Variants in GRID2 observed in about 807,000 individuals in gnomAD.
GRID2 encodes the protein glutamate ionotropic receptor delta type subunit 2.
A neutral mutation model predicts 114.8 loss-of-function variants in GRID2; 33 were observed. That is an observed-to-expected ratio of 0.29 (90% confidence interval 0.22 to 0.38). The LOEUF (loss-of-function observed/expected upper bound fraction) is 0.38. GRID2 is among the 10% of genes least tolerant of loss of function. The pLI is 1.00. For synonymous variants in GRID2, 505 were observed against 449.9 expected, an observed-to-expected ratio of 1.12 and a Z score of -1.55; for missense variants, 1,184 against 1,257.7, an observed-to-expected ratio of 0.94 and a Z score of 0.89.
intron 1 of GRID2, among the ~76,000 whole-genome samples, chr4:92,322,917 A>G (rs1726391125): frequency 6.6e-6 from 1 of 152,062 alleles, no homozygotes; most frequent in South Asian, 2.1e-4. Context: ...AACATATTTA[A>G]CTGATTTTTA....
At chr4:93,421,933 C>G (rs1768330584) in intron 9 of GRID2, among the ~76,000 whole-genome samples, 1 of 151,522 alleles carries the variant, frequency 6.6e-6, no homozygotes, top group Admixed American at 6.6e-5. Context: ...ACTACATACA[C>G]CATGAATGGT....
intron 2 of GRID2, among the ~76,000 whole-genome samples, chr4:92,602,210 A>G (rs1729247675): frequency 6.6e-6 from 1 of 151,544 alleles, no homozygotes; most frequent in Non-Finnish European, 1.5e-5. Context: ...ATTTAAAAAA[A>G]AAAAAAAGAA....
intron 2 of GRID2, among the ~76,000 whole-genome samples, chr4:93,071,595 A>T (rs1728808783): frequency 6.6e-6 from 1 of 152,160 alleles, no homozygotes; most frequent in Non-Finnish European, 1.5e-5. Flanking sequence ...ATGAAGAAAT[A>T]AGATGAAGGA....
At chr4:93,613,852 T>G (rs1741267845) in intron 13 of GRID2, among the ~76,000 whole-genome samples, 1 of 151,830 alleles carries the variant, frequency 6.6e-6, no homozygotes. Context: ...AGTTCGAGCT[T>G]CCAGGCTGCT....
intron 2 of GRID2, among the ~76,000 whole-genome samples, chr4:92,803,574 A>G (rs1242228576): frequency 6.6e-6 from 1 of 151,976 alleles, no homozygotes; most frequent in Non-Finnish European, 1.5e-5. Flanking sequence ...CAATCTTTGT[A>G]TCTCCTCATA....
At chr4:93,703,329 A>C (rs77546774) in intron 14 of GRID2, among the ~76,000 whole-genome samples, 7 of 152,050 alleles carry the variant, frequency 4.6e-5, no homozygotes, top group African/African-American at 1.4e-4. Context: ...CAGGCATCCA[A>C]AGTGTAATAA....
intron 14 of GRID2, among the ~76,000 whole-genome samples, chr4:93,741,094 T>A (rs1731323438): frequency 6.9e-6 from 1 of 145,546 alleles, no homozygotes; most frequent in Non-Finnish European, 1.5e-5. Flanking sequence ...AATCTCATTT[T>A]GCCCACAAAG....
intron 2 of GRID2, among the ~76,000 whole-genome samples, chr4:92,974,874 C>A (rs1578650097): frequency 6.6e-6 from 1 of 151,852 alleles, no homozygotes; most frequent in Non-Finnish European, 1.5e-5. Flanking sequence ...TGTTGATTAA[C>A]AGGCCGGGAG....
At chr4:93,123,193 A>C in intron 4 of GRID2, among the ~76,000 whole-genome samples, 1 of 152,086 alleles carries the variant, frequency 6.6e-6, no homozygotes, top group Non-Finnish European at 1.5e-5. Context: ...TTCTCCTAAC[A>C]GCCTATAGTC....
At chr4:93,767,809 C>T (rs764617524) in intron 14 of GRID2, among the ~76,000 whole-genome samples, 1 of 152,178 alleles carries the variant, frequency 6.6e-6, no homozygotes, top group Non-Finnish European at 1.5e-5. Flanking sequence ...AGCAGTCTCA[C>T]CCCAAATAAT....
intron 2 of GRID2, among the ~76,000 whole-genome samples, chr4:93,009,917 C>T (rs536496878): frequency 1.3e-5 from 2 of 152,014 alleles, no homozygotes; most frequent in Non-Finnish European, 2.9e-5. Flanking sequence ...AAGTGCTTTA[C>T]CTTTAGTTTT....
At chr4:93,624,175 A>G (rs750097036) in intron 13 of GRID2, among the ~76,000 whole-genome samples, 15 of 146,248 alleles carry the variant, frequency 1.0e-4, no homozygotes, top group Non-Finnish European at 2.1e-4. Flanking sequence ...AATCATTTGT[A>G]TATATCCATT....
intron 10 of GRID2, among the ~76,000 whole-genome samples, chr4:93,446,956 A>G (rs1722150982): frequency 1.3e-5 from 2 of 151,756 alleles, no homozygotes; most frequent in Admixed American, 1.3e-4. Flanking sequence ...AATTGATAAT[A>G]CATCATGTGC....
intron 14 of GRID2, among the ~76,000 whole-genome samples, chr4:93,736,647 T>A (rs1730945458): frequency 6.6e-6 from 1 of 152,010 alleles, no homozygotes; most frequent in African/African-American, 2.4e-5. Context: ...AAAATAATAA[T>A]GGTTTGCTAT....
At chr4:93,433,385 C>A (rs1202835710) in intron 10 of GRID2, among the ~76,000 whole-genome samples, 1 of 151,982 alleles carries the variant, frequency 6.6e-6, no homozygotes, top group African/African-American at 2.4e-5. Context: ...CCTCAGAAAG[C>A]ACATGTAATT....
intron 2 of GRID2, among the ~76,000 whole-genome samples, chr4:93,069,873 C>T (rs76405682): frequency 0.043 from 6,476 of 152,054 alleles, 196 homozygotes; most frequent in East Asian, 0.14. Flanking sequence ...GATTATAGAG[C>T]GAGCACATTT....
intron 2 of GRID2, among the ~76,000 whole-genome samples, chr4:92,944,503 C>T (rs1374774743): frequency 1.3e-5 from 2 of 152,208 alleles, no homozygotes; most frequent in Non-Finnish European, 2.9e-5. Flanking sequence ...AAGGGAATTC[C>T]CTGACCCCTT....
intron 2 of GRID2, among the ~76,000 whole-genome samples, chr4:92,664,726 A>G (rs1263111926): frequency 6.6e-6 from 1 of 151,202 alleles, no homozygotes; most frequent in Non-Finnish European, 1.5e-5. Flanking sequence ...TATTAGGTAC[A>G]TGAATGTTTA....
At chr4:93,152,398 A>G (rs1041399457) in intron 4 of GRID2, among the ~76,000 whole-genome samples, 2 of 152,254 alleles carry the variant, frequency 1.3e-5, no homozygotes, top group Middle Eastern at 3.4e-3. Context: ...TTTACTCTTG[A>G]TTTAAAAACA....
Sources: gnomAD v4.1 joint callset for allele counts (sites outside exome capture counted in the v4.1 genomes callset) on GRCh38, gnomAD v4.1.1 for gene constraint, MANE v1.5 for transcripts, NCBI Gene and HGNC (gene_info 2026-07-23, HGNC 2026-07-21) for gene names.